Variants in DDHD1 observed in about 807,000 individuals in gnomAD.
DDHD1 encodes the protein phospholipase DDHD1.
In DDHD1, 49 loss-of-function variants were observed where a neutral mutation model predicts 96.4. That is an observed-to-expected ratio of 0.51 (90% CI 0.40 to 0.64). DDHD1 has a LOEUF of 0.64. Among genes scored for constraint, DDHD1 ranks in the 30% least tolerant of loss-of-function variants. DDHD1 has a pLI of 0.00. For missense variants in DDHD1, 1,106 were observed against 1,161.2 expected (o/e 0.95, Z 0.69); for synonymous variants, 442 against 446.5 (o/e 0.99, Z 0.13).
In DDHD1 at chr14:53,062,035, CAAAAAAA is replaced by C. The variant is rs779302322; in HGVS notation, c.1767-841_1767-835del. On this transcript the variant is annotated intron_variant, in intron 7 of 12. Coordinates refer to ENST00000673822, the MANE Select transcript of DDHD1 (RefSeq NM_001160148.2). ...GGGCAACAGAGCAAGACTCCGTCTC[CAAAAAAA>C]AAAAAAAAAAAAAAAATTTGTTATT... Among the ~76,000 whole-genome samples the C allele has an allele frequency of 2.9e-4, 22 of 76,798 alleles. No individual in the cohort carries two copies. In the East Asian group the frequency reaches 4.2e-3, roughly 15 times the overall value. The allele number at this position is 76,798 out of a possible 152,430, so 50.4% of individuals were successfully genotyped here. A position where few individuals can be genotyped will look rare whatever the true frequency, so the allele number is the denominator to read the frequency against.
intron 1 of DDHD1, among the ~76,000 whole-genome samples, chr14:53,146,285 C>A: frequency 6.6e-6 from 1 of 151,998 alleles, no homozygotes; most frequent in East Asian, 1.9e-4. Context: ...GGGTGAATTA[C>A]TTGAGGTCAG....
intron 1 of DDHD1, among the ~76,000 whole-genome samples, chr14:53,114,383 C>T (rs1020354651): frequency 8.5e-5 from 13 of 152,226 alleles, no homozygotes; most frequent in African/African-American, 2.9e-4. Context: ...TGCACCAGCT[C>T]TGCTAAGGGA....
rs1324419556 is a variant in DDHD1 at position 53,044,890 on chromosome 14, T to G, written c.*1878A>C. 6.6e-6 allele frequency: 1 copy of G among 152,190 alleles called. No homozygotes were observed. Among genetic ancestry groups the G allele is most frequent in the African/African-American group, 2.4e-5 (1 of 41,432 alleles). 9.4% of individuals were successfully genotyped at this position (152,190 alleles called of 1,614,324 possible). A position where few individuals can be genotyped will look rare whatever the true frequency, so the allele number is the denominator to read the frequency against. On this transcript the variant is annotated 3_prime_UTR_variant, in exon 13 of 13. Transcript: ENST00000673822. ...AGGTGAGAGATACAGCTGACCAACT[T>G]TGCTCCCAGTTTGACAATGATTATT...
rs570887900 is a variant in DDHD1, at chr14:53,088,733, T to C, written c.1289+3052A>G. Among the ~76,000 whole-genome samples the C allele has an allele frequency of 9.7e-4, 147 of 152,282 alleles. 3 individuals carry two copies. Among genetic ancestry groups the C allele is most frequent in the African/African-American group, 3.4e-3 (140 of 41,566 alleles). On this transcript the variant is annotated intron_variant, in intron 4 of 12. Transcript: ENST00000673822. ...AATATCATACTGAATGGACAAAAAC[T>C]GGAAGCATTCCCTTTGAAAACTGGC...
intron 4 of DDHD1, among the ~76,000 whole-genome samples, chr14:53,083,238 G>C (rs1248678151): frequency 6.6e-6 from 1 of 151,906 alleles, no homozygotes; most frequent in Non-Finnish European, 1.5e-5. Context: ...GGTTTCAGGA[G>C]GGAATAAGAT....
At chr14:53,143,925 C>CA (rs1435085742) in intron 1 of DDHD1, among the ~76,000 whole-genome samples, 8 of 152,174 alleles carry the variant, frequency 5.3e-5, no homozygotes, top group Non-Finnish European at 1.2e-4. Context: ...TTCTACTTTA[C>CA]TTTTTACAGG....
intron 1 of DDHD1, among the ~76,000 whole-genome samples, chr14:53,128,103 T>G (rs200882470): frequency 6.6e-6 from 1 of 152,210 alleles, no homozygotes; most frequent in East Asian, 1.9e-4. Flanking sequence ...TCCTACCATG[T>G]GAAGAAGGAC....
intron 1 of DDHD1, among the ~76,000 whole-genome samples, chr14:53,151,564 AG>A (rs1387188325): frequency 1.3e-5 from 2 of 152,376 alleles, no homozygotes; most frequent in African/African-American, 4.8e-5. Context: ...CAATCCCGTG[AG>A]GTAGGTACAA....
rs1405921896 is a variant in DDHD1 at position 53,152,682 on chromosome 14, G to T, written c.417C>A (p.Ser139=). ...NSGGGGATGG[S]PGERKRTRLG... is the part of the protein sequence containing the mutation. ...GCCGGGTACGTTTCCTTTCCCCGGG[G>T]GACCCTCCTGTCGCGCCGCCGCCCC... The change falls in exon 1 of 13, where the codon TCC becomes TCA. Residue 139 remains serine (S), a synonymous_variant. Transcript: ENST00000673822. The T allele has an allele frequency of 1.9e-6, 3 of 1,612,340 alleles. No individual in the cohort carries two copies. The highest frequency in any genetic ancestry group is 1.3e-5 in the African/African-American group (1 of 75,008).
At chr14:53,120,990 T>C (rs547950475) in intron 1 of DDHD1, among the ~76,000 whole-genome samples, 3 of 152,032 alleles carry the variant, frequency 2.0e-5, no homozygotes, top group Non-Finnish European at 2.9e-5. Context: ...TAAACTATCA[T>C]CAGAGTGAAC....
rs1883131318 is a variant in DDHD1 at position 53,057,246 on chromosome 14, A to T, written c.1992+1231T>A. On this transcript the variant is annotated intron_variant, in intron 9 of 12. Transcript: ENST00000673822. ...TTAAAAGACTTTCCACAATTATATGAAGCTATTTTTTCAGAGAATAAATGC... is the reference window on the plus strand; with the variant it reads ...TTAAAAGACTTTCCACAATTATATGTAGCTATTTTTTCAGAGAATAAATGC... Among the ~76,000 whole-genome samples, 3 of 152,214 alleles carry T rather than the reference A, an allele frequency of 2.0e-5. No individual in the cohort carries two copies. The South Asian group carries it at 6.2e-4, about 31-fold the overall frequency.
At chr14:53,138,480 T>G (rs993186923) in intron 1 of DDHD1, among the ~76,000 whole-genome samples, 3 of 152,186 alleles carry the variant, frequency 2.0e-5, no homozygotes, top group African/African-American at 7.2e-5. Context: ...AATGATTGTA[T>G]TTTGGTGTTT....
chr14:53,138,444 C>T (rs4901347), intron 1 of DDHD1, among the ~76,000 whole-genome samples: 119,722 of 152,194 alleles, frequency 0.79, 48,043 homozygotes, highest in East Asian at 0.98. Flanking sequence ...AGAAAAAAAG[C>T]AAAAAGATTG....
intron 4 of DDHD1, among the ~76,000 whole-genome samples, chr14:53,081,445 T>C (rs1885462211): frequency 6.6e-6 from 1 of 152,208 alleles, no homozygotes; most frequent in Admixed American, 6.5e-5. Flanking sequence ...GCTGTTTGAA[T>C]TTGCACACAA....
chr14:53,133,933 A>G (rs1317703487), intron 1 of DDHD1, among the ~76,000 whole-genome samples: 1 of 152,148 alleles, frequency 6.6e-6, no homozygotes, highest in Non-Finnish European at 1.5e-5. Context: ...GTCCGCCTAC[A>G]GGACCCTCCC....
chr14:53,123,115 G>GTTATTATTATTA (rs139846735), intron 1 of DDHD1, among the ~76,000 whole-genome samples: 167 of 138,454 alleles, frequency 1.2e-3, no homozygotes, highest in African/African-American at 3.7e-3. Context: ...GATAATTGCT[G>GTTATTATTATTA]TTATTATTAT....
At position 53,139,045 on chromosome 14, in the gene DDHD1, C is replaced by A. The variant is rs376529662; in HGVS notation, c.838+13216G>T. Among the ~76,000 whole-genome samples the A allele has an allele frequency of 4.4e-4, 65 of 148,184 alleles. 2 individuals are homozygous for A. The South Asian group carries it at 0.014, about 31-fold the overall frequency. ...TGCTAGAAAAGCAACAACTAAAGAA[C>A]CATAGCAGCTGGGAAAAGGTAATAG... On this transcript the variant is annotated intron_variant, in intron 1 of 12. Coordinates refer to ENST00000673822, the MANE Select transcript of DDHD1 (RefSeq NM_001160148.2).
In DDHD1 at chr14:53,152,635, TGCCGGGCC is replaced by T. The variant is rs781505420; in HGVS notation, c.456_463del (p.Ala153ProfsTer3). On this transcript the variant is annotated frameshift_variant, in exon 1 of 13. Transcript: ENST00000673822. LOFTEE classifies it high-confidence loss of function. ...CAGCTCCGTCACTACCTCATAGCGG[TGCCGGGCC>T]GCCGGGCCGCCAAGCCGGGTACGTT... The T allele has an allele frequency of 5.6e-6, 9 of 1,613,064 alleles. No individual in the cohort carries two copies. Among genetic ancestry groups the T allele is most frequent in the African/African-American group, 1.3e-5 (1 of 74,922 alleles).
chr14:53,065,338 T>C (rs1216415403), intron 6 of DDHD1, among the ~76,000 whole-genome samples: 3 of 152,214 alleles, frequency 2.0e-5, no homozygotes, highest in Admixed American at 1.3e-4. Context: ...GTCATCTATA[T>C]CAATTAAATA....
Sources: gnomAD v4.1 joint callset for allele counts (sites outside exome capture counted in the v4.1 genomes callset) on GRCh38, gnomAD v4.1.1 for gene constraint, MANE v1.5 for transcripts, NCBI Gene and HGNC (gene_info 2026-07-23, HGNC 2026-07-21) for gene names.